Variants in GALNT7 observed in about 807,000 individuals in gnomAD.
GALNT7 encodes polypeptide N-acetylgalactosaminyltransferase 7.
In GALNT7, 60 loss-of-function variants were observed where a neutral mutation model predicts 82.1. That is an observed-to-expected ratio of 0.73 (90% CI 0.59 to 0.91). The LOEUF (loss-of-function observed/expected upper bound fraction) is 0.91, where lower values mean the gene tolerates loss of function less well. GALNT7 is among the 40% of genes least tolerant of loss of function. The pLI is 0.00. For missense variants in GALNT7, 660 were observed against 804.2 expected, an observed-to-expected ratio of 0.82 and a Z score of 2.17; for synonymous variants, 243 against 275.1, an observed-to-expected ratio of 0.88 and a Z score of 1.15.
At chr4:173,211,445 C>T (rs1733282881) in intron 1 of GALNT7, among the ~76,000 whole-genome samples, 1 of 152,146 alleles carries the variant, frequency 6.6e-6, no homozygotes, top group East Asian at 1.9e-4. Flanking sequence ...AACAGCTTTC[C>T]CACAGAGAGT....
At position 173,318,435 on chromosome 4, in the gene GALNT7, T is replaced by C; in HGVS notation, c.1712T>C (p.Phe571Ser). 6.2e-7 allele frequency: 1 copy of C among 1,601,726 alleles called. No individual in the cohort carries two copies. Among genetic ancestry groups the C allele is most frequent in the Non-Finnish European group, 8.5e-7 (1 of 1,175,004 alleles). ...PCHRMGGNQLFRINEANQLMQ... is the reference protein window; with the variant it reads ...PCHRMGGNQLSRINEANQLMQ... Reference sequence around the variant, plus strand: ...TTCTCTCTTTTCCTTTTACAGCTTTTCAGAATCAATGAAGCAAATCAACTC... The same window carrying C: ...TTCTCTCTTTTCCTTTTACAGCTTTCCAGAATCAATGAAGCAAATCAACTC... The change falls in exon 11 of 12, where the codon TTC (phenylalanine) becomes TCC (serine). Residue 571 changes from phenylalanine (F) to serine (S), a missense_variant. Physicochemically the swap from Phe to Ser is radical, Grantham distance 155 (BLOSUM62 -2). Coordinates refer to ENST00000265000, the MANE Select transcript of GALNT7 (RefSeq NM_017423.3).
chr4:173,243,786 T>C (rs553058751), intron 1 of GALNT7, among the ~76,000 whole-genome samples: 4 of 151,916 alleles, frequency 2.6e-5, no homozygotes, highest in African/African-American at 9.7e-5. Flanking sequence ...GTAGGGAATA[T>C]AGAGTTATGT....
chr4:173,183,075 CACACACACACA>C (rs1469742057), intron 1 of GALNT7, among the ~76,000 whole-genome samples: 2 of 148,962 alleles, frequency 1.3e-5, no homozygotes, highest in African/African-American at 5.1e-5. Flanking sequence ...CACACACACA[CACACACACACA>C]CACACTGCTT....
intron 2 of GALNT7, among the ~76,000 whole-genome samples, chr4:173,291,084 T>C (rs148005678): frequency 8.0e-4 from 122 of 152,316 alleles, no homozygotes; most frequent in African/African-American, 2.9e-3. Flanking sequence ...TAGAAGCAAG[T>C]CCCAAATTTC....
intron 1 of GALNT7, among the ~76,000 whole-genome samples, chr4:173,220,227 G>A (rs1206681562): frequency 6.6e-6 from 1 of 152,090 alleles, no homozygotes; most frequent in East Asian, 1.9e-4. Flanking sequence ...TTGCCATTTA[G>A]CACCATTTGT....
chr4:173,198,200 C>A (rs965536887), intron 1 of GALNT7, among the ~76,000 whole-genome samples: 1 of 150,442 alleles, frequency 6.6e-6, no homozygotes, highest in Admixed American at 6.6e-5. Flanking sequence ...GCTGGGACTA[C>A]AGGTGCCCGC....
intron 1 of GALNT7, among the ~76,000 whole-genome samples, chr4:173,177,825 A>G (rs900066254): frequency 2.0e-5 from 3 of 152,162 alleles, no homozygotes; most frequent in African/African-American, 7.2e-5. Flanking sequence ...GGCCCAGAAA[A>G]ACTGGTTCAG....
intron 2 of GALNT7, among the ~76,000 whole-genome samples, chr4:173,276,699 G>A (rs73001532): frequency 0.038 from 5,733 of 152,190 alleles, 323 homozygotes; most frequent in African/African-American, 0.12. Context: ...GAAGCAGGGA[G>A]CTTCAAAACT....
chr4:173,274,855 T>C (rs1735844812), intron 2 of GALNT7, among the ~76,000 whole-genome samples: 2 of 152,314 alleles, frequency 1.3e-5, no homozygotes, highest in African/African-American at 2.4e-5. Context: ...ATGTTGAACA[T>C]ATGCTTGGGA....
At chr4:173,280,300 G>A (rs1284989018) in intron 2 of GALNT7, among the ~76,000 whole-genome samples, 1 of 152,144 alleles carries the variant, frequency 6.6e-6, no homozygotes, top group Non-Finnish European at 1.5e-5. Context: ...TGCTGAATTA[G>A]ATATTATTTA....
At chr4:173,298,872 C>G (rs1736815537) in intron 6 of GALNT7, among the ~76,000 whole-genome samples, 1 of 152,166 alleles carries the variant, frequency 6.6e-6, no homozygotes, top group African/African-American at 2.4e-5. Flanking sequence ...TCCTTTATTG[C>G]TTCATTCTCA....
chr4:173,173,696 A>G (rs1020676883), intron 1 of GALNT7, among the ~76,000 whole-genome samples: 1 of 152,202 alleles, frequency 6.6e-6, no homozygotes, highest in Non-Finnish European at 1.5e-5. Flanking sequence ...GCATTAAAAC[A>G]TTCAGTACTG....
chr4:173,283,782 A>T (rs1736209669), intron 2 of GALNT7, among the ~76,000 whole-genome samples: 1 of 152,186 alleles, frequency 6.6e-6, no homozygotes, highest in African/African-American at 2.4e-5. Context: ...TTAAAGGGAA[A>T]CACACCCTTT....
intron 1 of GALNT7, among the ~76,000 whole-genome samples, chr4:173,215,331 A>G (rs776567277): frequency 1.3e-5 from 2 of 151,532 alleles, no homozygotes; most frequent in Non-Finnish European, 2.9e-5. Context: ...CCTGGATTCA[A>G]GCGATTCTCC....
chr4:173,247,983 G>T lies in GALNT7; in HGVS notation c.130G>T (p.Asp44Tyr). The change falls in exon 2 of 12, where the codon GAC becomes TAC. Residue 44 changes from aspartate to tyrosine, a missense_variant. By Grantham distance (160) the Asp-to-Tyr change is radical. Transcript: ENST00000265000. ...DPSPLSRMRE[D>Y]RDVNDPMPNR... The stretch of plus-strand genomic sequence containing the variant: ...ATATCCCCTCCCTTTTGTATAGGAA[G>T]ACAGAGATGTCAATGACCCCATGCC... The T allele has an allele frequency of 2.5e-6, 4 of 1,605,904 alleles. No individual in the cohort carries two copies. The highest frequency in any genetic ancestry group is 3.4e-6 in the Non-Finnish European group (4 of 1,173,786).
chr4:173,262,480 C>A (rs1203041341), intron 2 of GALNT7, among the ~76,000 whole-genome samples: 2 of 152,130 alleles, frequency 1.3e-5, no homozygotes, highest in African/African-American at 4.8e-5. Context: ...CATCATCAGT[C>A]TCATTGGAAA....
At chr4:173,314,560 T>C (rs999347152) in intron 9 of GALNT7, among the ~76,000 whole-genome samples, 3 of 152,208 alleles carry the variant, frequency 2.0e-5, no homozygotes, top group African/African-American at 7.2e-5. Flanking sequence ...TGCAGTTCTA[T>C]GTTCTTTCCA....
At chr4:173,294,199 C>A (rs370468676) in intron 3 of GALNT7, among the ~76,000 whole-genome samples, 2 of 151,880 alleles carry the variant, frequency 1.3e-5, no homozygotes, top group East Asian at 3.9e-4. Flanking sequence ...TGCAAAAAAT[C>A]CTCCTAATGG....
At chr4:173,183,922 C>G (rs1221497905) in intron 1 of GALNT7, among the ~76,000 whole-genome samples, 1 of 150,482 alleles carries the variant, frequency 6.6e-6, no homozygotes, top group Non-Finnish European at 1.5e-5. Flanking sequence ...ACTTCTCAGA[C>G]GGGGCGGCCA....
Sources: gnomAD v4.1 joint callset for allele counts (sites outside exome capture counted in the v4.1 genomes callset) on GRCh38, gnomAD v4.1.1 for gene constraint, MANE v1.5 for transcripts, NCBI Gene and HGNC (gene_info 2026-07-23, HGNC 2026-07-21) for gene names.